TNIP3: variants seen among roughly 807,000 people sequenced by gnomAD.
TNIP3 encodes the protein TNFAIP3 interacting protein 3.
Under a neutral mutation model 54.1 loss-of-function variants are expected in TNIP3, and 34 were observed. That is an observed-to-expected ratio of 0.63 (90% confidence interval 0.48 to 0.84). TNIP3 has a LOEUF of 0.84. Among genes scored for constraint, TNIP3 ranks in the 40% least tolerant of loss-of-function variants. The pLI is 0.00. For missense variants in TNIP3, 366 were observed against 387.6 expected (o/e 0.94, Z 0.47); for synonymous variants, 134 against 136.8 (o/e 0.98, Z 0.14).
intron 9 of TNIP3, among the ~76,000 whole-genome samples, chr4:121,141,336 A>C (rs1175725423): frequency 6.6e-6 from 1 of 152,234 alleles, no homozygotes; most frequent in Admixed American, 6.5e-5. Flanking sequence ...AGAACAACTT[A>C]AGTGGGTCAC....
intron 5 of TNIP3, among the ~76,000 whole-genome samples, chr4:121,152,299 A>C (rs1025108394): frequency 2.6e-5 from 4 of 152,192 alleles, no homozygotes; most frequent in Non-Finnish European, 4.4e-5. Flanking sequence ...ATTCATTGTA[A>C]AATAGAAGAA....
chr4:121,203,243 A>AGATAGAT (rs1285757620), intron 2 of TNIP3, among the ~76,000 whole-genome samples: 2 of 151,998 alleles, frequency 1.3e-5, no homozygotes, highest in Non-Finnish European at 2.9e-5. Flanking sequence ...ATAGATAGAT[A>AGATAGAT]GATAGATAGA....
intron 10 of TNIP3, among the ~76,000 whole-genome samples, chr4:121,135,648 G>A (rs1171276166): frequency 1.3e-5 from 2 of 152,048 alleles, no homozygotes; most frequent in South Asian, 2.1e-4. Flanking sequence ...ATCTGCCCAC[G>A]TTGGCCTCAC....
At chr4:121,190,098 CCTT>C (rs1470190869) in intron 2 of TNIP3, among the ~76,000 whole-genome samples, 2 of 152,150 alleles carry the variant, frequency 1.3e-5, no homozygotes, top group African/African-American at 2.4e-5. Flanking sequence ...ATAGGTTTGG[CCTT>C]CTTCTTGGGA....
upstream of TNIP3, among the ~76,000 whole-genome samples, chr4:121,217,027 G>GA (rs531435644): frequency 1.2e-3 from 189 of 151,756 alleles, 1 homozygote; most frequent in African/African-American, 4.2e-3. Context: ...AAAAAAAAGA[G>GA]AAAAAAAACT....
At chr4:121,179,066 TA>T (rs1008984772) in intron 3 of TNIP3, among the ~76,000 whole-genome samples, 8 of 152,190 alleles carry the variant, frequency 5.3e-5, no homozygotes, top group Non-Finnish European at 8.8e-5. Context: ...TGAATTGGGA[TA>T]AAAAAGGCAG....
At chr4:121,220,442 G>A (rs995283379), upstream of TNIP3, among the ~76,000 whole-genome samples, 1 of 152,086 alleles carries the variant, frequency 6.6e-6, no homozygotes, top group Non-Finnish European at 1.5e-5. Context: ...AAGACATAAA[G>A]CAATCTGAAA....
chr4:121,218,432 C>G (rs971888103), upstream of TNIP3, among the ~76,000 whole-genome samples: 1 of 152,062 alleles, frequency 6.6e-6, no homozygotes, highest in African/African-American at 2.4e-5. Context: ...TGTTATTATT[C>G]TATCCAGGAA....
At chr4:121,141,600 C>T (rs1729120603) in intron 9 of TNIP3, among the ~76,000 whole-genome samples, 1 of 152,070 alleles carries the variant, frequency 6.6e-6, no homozygotes, top group African/African-American at 2.4e-5. Context: ...CAATTTAATA[C>T]CTTTCAGTTA....
At chr4:121,142,311 A>C (rs1404913074) in intron 8 of TNIP3, among the ~76,000 whole-genome samples, 1 of 152,190 alleles carries the variant, frequency 6.6e-6, no homozygotes, top group East Asian at 1.9e-4. Flanking sequence ...AGGACAAATA[A>C]TATTCATTAT....
upstream of TNIP3, among the ~76,000 whole-genome samples, chr4:121,165,492 C>T (rs1220165451): frequency 6.6e-6 from 1 of 152,140 alleles, no homozygotes; most frequent in Non-Finnish European, 1.5e-5. Context: ...AGCACTTCAT[C>T]ATGCATTACG....
intron 7 of TNIP3, 72 bp from the exon 8 acceptor site, chr4:121,142,848 TACTC>T: frequency 7.5e-7 from 1 of 1,329,892 alleles, no homozygotes; most frequent in East Asian, 2.4e-5. Context: ...ACTCTTGACC[TACTC>T]AAGTGTCAGG....
chr4:121,219,452 G>A (rs1726941651), upstream of TNIP3, among the ~76,000 whole-genome samples: 1 of 152,210 alleles, frequency 6.6e-6, no homozygotes, highest in African/African-American at 2.4e-5. Context: ...GCACATCAGT[G>A]AAGATCATAA....
intron 2 of TNIP3, among the ~76,000 whole-genome samples, chr4:121,197,634 AAG>A (rs1224361891): frequency 6.6e-6 from 1 of 152,200 alleles, no homozygotes; most frequent in African/African-American, 2.4e-5. Flanking sequence ...AGTAATGAGA[AAG>A]AGATTATCTT....
At chr4:121,201,187 G>A (rs1725865745) in intron 2 of TNIP3, among the ~76,000 whole-genome samples, 1 of 152,238 alleles carries the variant, frequency 6.6e-6, no homozygotes, top group African/African-American at 2.4e-5. Context: ...CAGAAAACAT[G>A]CTAATCAAAT....
chr4:121,213,357 A>T (rs566405858), intron 2 of TNIP3, among the ~76,000 whole-genome samples: 1 of 152,316 alleles, frequency 6.6e-6, no homozygotes, highest in South Asian at 2.1e-4. Context: ...ACTTCAGATT[A>T]AAATGAATCA....
chr4:121,179,179 C>G (rs1410984094), intron 3 of TNIP3, among the ~76,000 whole-genome samples: 2 of 152,136 alleles, frequency 1.3e-5, no homozygotes, highest in Non-Finnish European at 2.9e-5. Context: ...TTATGGGTAG[C>G]TAGAACACAG....
At chr4:121,158,610 G>A (rs1730254386) in intron 3 of TNIP3, 77 bp downstream of exon 3, 1 of 1,173,412 alleles carries the variant, frequency 8.5e-7, no homozygotes, top group Non-Finnish European at 1.3e-6. Context: ...TAGCTGAAAT[G>A]AATGAGACTC....
intron 3 of TNIP3, among the ~76,000 whole-genome samples, chr4:121,178,064 G>A (rs920890573): frequency 1.3e-5 from 2 of 152,156 alleles, no homozygotes; most frequent in Non-Finnish European, 2.9e-5. Flanking sequence ...TGACAGTATC[G>A]TTCCTGACAC....
Sources: allele counts gnomAD v4.1 joint callset (sites outside exome capture counted in the v4.1 genomes callset), GRCh38; gene constraint gnomAD v4.1.1; transcripts MANE v1.5; gene names NCBI Gene and HGNC (gene_info 2026-07-23, HGNC 2026-07-21).